LHFPL2: variants seen among roughly 807,000 people sequenced by gnomAD.
The protein encoded by LHFPL2 is LHFPL tetraspan subfamily member 2.
In LHFPL2, 7 loss-of-function variants were observed where a neutral mutation model predicts 17.5. That is an observed-to-expected ratio of 0.40 (90% CI 0.23 to 0.75). The LOEUF (loss-of-function observed/expected upper bound fraction) is 0.75, where lower values mean the gene tolerates loss of function less well. Among genes scored for constraint, LHFPL2 ranks in the 30% least tolerant of loss-of-function variants. LHFPL2 has a pLI of 0.37. For synonymous variants in LHFPL2, 134 were observed against 116.2 expected (o/e 1.15, Z -0.99); for missense variants, 241 against 294.8 (o/e 0.82, Z 1.34).
chr5:78,534,461 C>G (rs1401009154), intron 3 of LHFPL2, among the ~76,000 whole-genome samples: 2 of 152,244 alleles, frequency 1.3e-5, no homozygotes, highest in Non-Finnish European at 2.9e-5. Context: ...CTGCAGGACC[C>G]TCACAGCACC....
chr5:78,591,304 T>A (rs1743618704), intron 2 of LHFPL2, among the ~76,000 whole-genome samples: 1 of 152,218 alleles, frequency 6.6e-6, no homozygotes, highest in African/African-American at 2.4e-5. Context: ...GCAGTTGACC[T>A]CAAGTGCCCT....
Position 78,510,071 on chromosome 5 carries a change from C to T in LHFPL2, c.143G>A (p.Gly48Asp), listed in dbSNP as rs747774313. ...ARSRGGVEPA[G>D]PGGGSPEPYH... is the part of the protein sequence containing the mutation. ...GGGCTCCGGGGAGCCCCCGCCCGGG[C>T]CCGCCGGCTCCACGCCGCCGCGGCT... is the stretch of plus-strand genomic sequence containing the variant. The change falls in exon 4 of 5, where the codon GGC (glycine) becomes GAC (aspartate). Residue 48 changes from glycine to aspartate, a missense_variant. Gly to Asp is a moderately conservative substitution (Grantham distance 94, BLOSUM62 -1). Coordinates refer to ENST00000380345, the MANE Select transcript of LHFPL2 (RefSeq NM_005779.3). 2 of 1,611,622 alleles carry T rather than the reference C, an allele frequency of 1.2e-6. No homozygotes were observed.
intron 3 of LHFPL2, among the ~76,000 whole-genome samples, chr5:78,529,183 G>A (rs780650316): frequency 6.6e-6 from 1 of 152,156 alleles, no homozygotes; most frequent in Non-Finnish European, 1.5e-5. Context: ...CTACACAGGA[G>A]GCTGAGGTGG....
In LHFPL2 at chr5:78,488,767, T is replaced by C; in HGVS notation, c.*130A>G. The C allele has an allele frequency of 9.9e-7, 1 of 1,010,560 alleles. No homozygotes were observed. Among genetic ancestry groups the C allele is most frequent in the Non-Finnish European group, 1.5e-6 (1 of 675,796 alleles). The allele number at this position is 1,010,560 out of a possible 1,614,324, so 62.6% of individuals were successfully genotyped here. A position where few individuals can be genotyped will look rare whatever the true frequency, so the allele number is the denominator to read the frequency against. ...GCTGGATGTGGCCTCTCATTGGTCC[T>C]GTTTAAGCCTCGGGCCGTGGAACGT... On this transcript the variant is annotated 3_prime_UTR_variant, in exon 5 of 5. Transcript: ENST00000380345.
chr5:78,572,047 G>C (rs1757012282), intron 2 of LHFPL2, among the ~76,000 whole-genome samples: 1 of 152,192 alleles, frequency 6.6e-6, no homozygotes, highest in South Asian at 2.1e-4. Flanking sequence ...AATGCTGGGG[G>C]GAAAGGAGAT....
At chr5:78,645,840 C>A (rs1580890272) in intron 1 of LHFPL2, among the ~76,000 whole-genome samples, 8 of 152,192 alleles carry the variant, frequency 5.3e-5, no homozygotes. Flanking sequence ...CTCAGCCCCC[C>A]AAAGTGCTGG....
chr5:78,551,941 G>C (rs1756454281), intron 3 of LHFPL2, among the ~76,000 whole-genome samples: 1 of 152,136 alleles, frequency 6.6e-6, no homozygotes, highest in Non-Finnish European at 1.5e-5. Context: ...CCCCACTCAA[G>C]CTATTAGCAT....
intron 1 of LHFPL2, among the ~76,000 whole-genome samples, chr5:78,642,977 C>CG: frequency 6.6e-6 from 1 of 152,240 alleles, no homozygotes; most frequent in South Asian, 2.1e-4. Context: ...TGTTCCCCCC[C>CG]CTCCTTGTTA....
At chr5:78,502,855 G>A (rs1479674718) in intron 4 of LHFPL2, among the ~76,000 whole-genome samples, 1 of 152,178 alleles carries the variant, frequency 6.6e-6, no homozygotes, top group Non-Finnish European at 1.5e-5. Flanking sequence ...CTGTCACTCT[G>A]AACACACAGC....
At chr5:78,639,482 CAG>C (rs1174953795) in intron 1 of LHFPL2, among the ~76,000 whole-genome samples, 2 of 152,250 alleles carry the variant, frequency 1.3e-5, no homozygotes, top group South Asian at 2.1e-4. Context: ...TGAATCCATG[CAG>C]AGTCAGTAAT....
rs1347180575 is a variant in LHFPL2 at position 78,585,228 on chromosome 5, C to T, written c.-244-20357G>A. Among the ~76,000 whole-genome samples the T allele has an allele frequency of 3.8e-4, 36 of 95,480 alleles. 11 individuals carry two copies. The highest frequency in any genetic ancestry group is 6.0e-4 in the Non-Finnish European group (25 of 41,466). The allele number at this position is 95,480 out of a possible 152,430, so 62.6% of individuals were successfully genotyped here. ...TCACCGTTTTTAGCCGGGATGGTCT[C>T]GATATCCTGACCTCGTGATCCGCCC... On this transcript the variant is annotated intron_variant, in intron 2 of 4. Transcript: ENST00000380345.
chr5:78,542,602 T>C (rs1756146453), intron 3 of LHFPL2, among the ~76,000 whole-genome samples: 1 of 152,130 alleles, frequency 6.6e-6, no homozygotes, highest in South Asian at 2.1e-4. Flanking sequence ...CATCTCCACA[T>C]GCACACCTCT....
chr5:78,636,977 G>T (rs954735820), intron 1 of LHFPL2, among the ~76,000 whole-genome samples: 3 of 152,038 alleles, frequency 2.0e-5, no homozygotes, highest in African/African-American at 7.2e-5. Flanking sequence ...ACAGGCAAGG[G>T]TGTCCCTCAG....
At position 78,549,774 on chromosome 5, in the gene LHFPL2, T is replaced by A. The variant is rs556208740; in HGVS notation, c.-186+15039A>T. Among the ~76,000 whole-genome samples, 10 of 152,334 alleles carry A rather than the reference T, an allele frequency of 6.6e-5. No individual in the cohort carries two copies. In the South Asian group the frequency reaches 2.1e-3, roughly 32 times the overall value. ...TTTTGTCTTGCTGCCTTAATACATG[T>A]CCCATAAATGTTGCATCCATGTCTA... On this transcript the variant is annotated intron_variant, in intron 3 of 4. Coordinates refer to ENST00000380345, the MANE Select transcript of LHFPL2 (RefSeq NM_005779.3).
chr5:78,566,560 C>A (rs540359976), intron 2 of LHFPL2, among the ~76,000 whole-genome samples: 1 of 151,968 alleles, frequency 6.6e-6, no homozygotes, highest in African/African-American at 2.4e-5. Context: ...ACCTCCTGGG[C>A]GATTCTCTTG....
intron 1 of LHFPL2, among the ~76,000 whole-genome samples, chr5:78,632,683 G>A (rs773134610): frequency 1.3e-5 from 2 of 152,204 alleles, no homozygotes; most frequent in African/African-American, 2.4e-5. Flanking sequence ...GGAAATGCCT[G>A]CATAAACATG....
At chr5:78,498,403 G>A (rs1437958966) in intron 4 of LHFPL2, among the ~76,000 whole-genome samples, 1 of 152,152 alleles carries the variant, frequency 6.6e-6, no homozygotes, top group Non-Finnish European at 1.5e-5. Flanking sequence ...GCTTCCCTCT[G>A]TTTTCTACGT....
intron 4 of LHFPL2, among the ~76,000 whole-genome samples, chr5:78,508,878 T>C (rs550740569): frequency 2.8e-4 from 43 of 152,354 alleles, no homozygotes; most frequent in African/African-American, 9.6e-4. Context: ...TCTACTCTAC[T>C]TCTTTGGGGA....
In LHFPL2 at chr5:78,619,803, A is replaced by G. The variant is rs1490612157; in HGVS notation, c.-245+12461T>C. ...AGTTTACTGAGAATGATGATTTCCA[A>G]TTTCATCCATGTCCCTACAAAGGAC... On this transcript the variant is annotated intron_variant, in intron 2 of 4. Transcript: ENST00000380345. Among the ~76,000 whole-genome samples, 5 of 115,440 alleles carry G rather than the reference A, an allele frequency of 4.3e-5. No homozygotes were observed. The South Asian group carries it at 1.2e-3, about 28-fold the overall frequency. 75.7% of individuals were successfully genotyped at this position (115,440 alleles called of 152,430 possible). A position where few individuals can be genotyped will look rare whatever the true frequency, so the allele number is the denominator to read the frequency against.
Sources: allele counts gnomAD v4.1 joint callset (sites outside exome capture counted in the v4.1 genomes callset), GRCh38; gene constraint gnomAD v4.1.1; transcripts MANE v1.5; gene names NCBI Gene and HGNC (gene_info 2026-07-23, HGNC 2026-07-21).